LEO1: variants seen among roughly 807,000 people sequenced by gnomAD.
LEO1 encodes the protein RNA polymerase-associated protein LEO1.
Under a neutral mutation model 80.4 loss-of-function variants are expected in LEO1, and 34 were observed. The observed-to-expected ratio is 0.42, with a 90% CI of 0.32 to 0.56. The LOEUF is 0.56. LEO1 is among the 20% of genes least tolerant of loss of function. LEO1 has a pLI of 0.10. For synonymous variants in LEO1, 262 were observed against 274.9 expected (o/e 0.95, Z 0.46); for missense variants, 631 against 814.2 (o/e 0.77, Z 2.74).
At chr15:51,945,952 T>G (rs1465291678) in intron 11 of LEO1, among the ~76,000 whole-genome samples, 1 of 151,438 alleles carries the variant, frequency 6.6e-6, no homozygotes, top group African/African-American at 2.4e-5. Flanking sequence ...GAAAATGGCA[T>G]GAACCCAGGA....
intron 11 of LEO1, among the ~76,000 whole-genome samples, chr15:51,942,649 C>T (rs752393197): frequency 6.6e-6 from 1 of 151,784 alleles, no homozygotes; most frequent in South Asian, 2.1e-4. Flanking sequence ...TGGCCAGGTG[C>T]GGTGGCTCAT....
In LEO1 at chr15:51,938,079, T is replaced by C. The variant is rs2056815912; in HGVS notation, c.*77A>G. ...AATTACACAAAAGCAAATCGATTCA[T>C]TTCAATCAAAATAACTCATGTTTAC... On this transcript the variant is annotated 3_prime_UTR_variant, in exon 12 of 12. Transcript: ENST00000299601. 2 of 707,614 alleles carry C rather than the reference T, an allele frequency of 2.8e-6. No individual in the cohort carries two copies. Among genetic ancestry groups the C allele is most frequent in the Non-Finnish European group, 4.6e-6 (2 of 434,166 alleles). 43.8% of individuals were successfully genotyped at this position (707,614 alleles called of 1,614,324 possible).
chr15:51,944,739 TAATATA>T (rs967567033), intron 11 of LEO1, among the ~76,000 whole-genome samples: 1 of 146,568 alleles, frequency 6.8e-6, no homozygotes, highest in Admixed American at 6.7e-5. Flanking sequence ...GATATCTTCA[TAATATA>T]AATATATACT....
At chr15:51,964,559 A>C (rs186620531) in intron 2 of LEO1, among the ~76,000 whole-genome samples, 4 of 151,852 alleles carry the variant, frequency 2.6e-5, no homozygotes, top group East Asian at 1.9e-4. Flanking sequence ...AAAAAAAAAA[A>C]AAAACCTCTA....
intron 9 of LEO1, 48 bp from the exon 10 acceptor site, chr15:51,950,042 G>A (rs1566882048): frequency 2.7e-6 from 4 of 1,505,274 alleles, no homozygotes; most frequent in Non-Finnish European, 3.6e-6. Context: ...AGCTACTTTT[G>A]TGCCCACTTG....
intron 11 of LEO1, among the ~76,000 whole-genome samples, chr15:51,941,218 C>T (rs1004758195): frequency 4.6e-5 from 7 of 152,182 alleles, no homozygotes; most frequent in African/African-American, 1.7e-4. Context: ...TGTGAAATTA[C>T]ACATGTGGGA....
At chr15:51,965,061 C>T (rs938335889) in intron 2 of LEO1, among the ~76,000 whole-genome samples, 6 of 152,180 alleles carry the variant, frequency 3.9e-5, no homozygotes, top group African/African-American at 1.4e-4. Flanking sequence ...CCATTGAGAT[C>T]ACCCAGCCAT....
chr15:51,963,004 T>C (rs1035810830), intron 2 of LEO1, among the ~76,000 whole-genome samples: 11 of 150,706 alleles, frequency 7.3e-5, no homozygotes, highest in African/African-American at 2.2e-4. Context: ...GTGCCAGTTG[T>C]GGTGGCTCAT....
chr15:51,962,536 A>G (rs1206257792), intron 2 of LEO1, 43 bp from the exon 3 acceptor site: 1 of 1,400,360 alleles, frequency 7.1e-7, no homozygotes, highest in Non-Finnish European at 1.0e-6. Flanking sequence ...CAGTCGCATT[A>G]GTTGAATTTT....
At position 51,965,748 on chromosome 15, in the gene LEO1, C is replaced by A; in HGVS notation, c.814+1G>T. On this transcript the variant is annotated splice_donor_variant, in intron 2 of 11. Transcript: ENST00000299601. LOFTEE classifies it high-confidence loss of function. The stretch of plus-strand genomic sequence containing the variant: ...CATTCTGGTTCTCATAAATGTATTA[C>A]CTGATTTATGATCCTGTTCCTCTTC... 1.2e-6 allele frequency: 2 copies of A among 1,600,230 alleles called. No individual in the cohort carries two copies. Among genetic ancestry groups the A allele is most frequent in the Admixed American group, 1.7e-5 (1 of 57,668 alleles).
intron 1 of LEO1, among the ~76,000 whole-genome samples, chr15:51,970,928 G>A (rs1462268639): frequency 6.6e-6 from 1 of 152,154 alleles, no homozygotes; most frequent in Non-Finnish European, 1.5e-5. Context: ...GCCAACCTGA[G>A]CAACACAGTG....
chr15:51,938,576 AT>A (rs573978921), intron 11 of LEO1, among the ~76,000 whole-genome samples: 151 of 152,054 alleles, frequency 9.9e-4, no homozygotes, highest in African/African-American at 3.4e-3. Context: ...AATTTCTCAA[AT>A]TTTTTTTCTC....
chr15:51,946,381 A>C (rs1244079434), intron 11 of LEO1, among the ~76,000 whole-genome samples: 1 of 151,964 alleles, frequency 6.6e-6, no homozygotes, highest in Non-Finnish European at 1.5e-5. Context: ...TTTTTAGTAG[A>C]TACGAGGTTT....
At chr15:51,944,750 T>A (rs555252468) in intron 11 of LEO1, among the ~76,000 whole-genome samples, 1 of 145,510 alleles carries the variant, frequency 6.9e-6, no homozygotes, top group Non-Finnish European at 1.5e-5. Flanking sequence ...AATATAAATA[T>A]ATACTTTTCA....
intron 2 of LEO1, among the ~76,000 whole-genome samples, chr15:51,964,511 G>A (rs1203606856): frequency 6.7e-6 from 1 of 149,130 alleles, no homozygotes; most frequent in Admixed American, 6.8e-5. Flanking sequence ...TAACAAACCT[G>A]CACGTTGTGC....
chr15:51,963,411 T>C (rs551708722), intron 2 of LEO1, among the ~76,000 whole-genome samples: 1 of 152,134 alleles, frequency 6.6e-6, no homozygotes, highest in Non-Finnish European at 1.5e-5. Flanking sequence ...CTGACAAATA[T>C]ATCATTATTT....
chr15:51,969,997 G>A (rs1436580172), intron 1 of LEO1, among the ~76,000 whole-genome samples: 1 of 152,004 alleles, frequency 6.6e-6, no homozygotes, highest in East Asian at 1.9e-4. Context: ...GTGGGGAAAG[G>A]GAACCCTGGT....
Position 51,938,459 on chromosome 15 carries a change from G to A in LEO1, c.1897-199C>T, listed in dbSNP as rs930972544. On this transcript the variant is annotated intron_variant, in intron 11 of 11. Transcript: ENST00000299601. ...AACCTTTGAACACAGAGTAGGATGT[G>A]CAGGAAACTGGAGACAGGATTTGCC... Among the ~76,000 whole-genome samples the A allele has an allele frequency of 2.6e-5, 4 of 152,230 alleles. No homozygotes were observed. The East Asian group carries it at 7.7e-4, about 29-fold the overall frequency.
At chr15:51,969,503 C>G (rs934122321) in intron 1 of LEO1, among the ~76,000 whole-genome samples, 1 of 151,324 alleles carries the variant, frequency 6.6e-6, no homozygotes, top group African/African-American at 2.4e-5. Flanking sequence ...GGTGTGGTGG[C>G]AGGCGCCTGT....
Sources: allele counts gnomAD v4.1 joint callset (sites outside exome capture counted in the v4.1 genomes callset), GRCh38; gene constraint gnomAD v4.1.1; transcripts MANE v1.5; gene names NCBI Gene and HGNC (gene_info 2026-07-23, HGNC 2026-07-21).